The following WWP1 variants were observed in gnomAD, a reference collection of about 807,000 sequenced individuals.
WWP1 encodes the protein NEDD4-like E3 ubiquitin-protein ligase WWP1.
In WWP1, 49 loss-of-function variants were observed where a neutral mutation model predicts 130.6. The ratio of observed to expected loss-of-function variants is 0.38; its 90% confidence interval spans 0.30 to 0.48. The LOEUF is 0.48. Ranked by LOEUF, WWP1 falls within the 20% of genes least tolerant of loss-of-function variation. WWP1 has a pLI of 0.99. For synonymous variants in WWP1, 332 were observed against 367.8 expected, an observed-to-expected ratio of 0.90 and a Z score of 1.11; for missense variants, 809 against 1,100.6, an observed-to-expected ratio of 0.74 and a Z score of 3.75.
intron 22 of WWP1, among the ~76,000 whole-genome samples, chr8:86,460,720 G>T (rs1023922338): frequency 2.7e-5 from 4 of 148,180 alleles, no homozygotes; most frequent in African/African-American, 4.9e-5. Context: ...CTGAAGTGAG[G>T]TTCACAGTAT....
In WWP1 at chr8:86,427,831, T is replaced by C; in HGVS notation, c.1332+14T>C. On this transcript the variant is annotated intron_variant, in intron 11 of 24. Transcript: ENST00000517970. ...TACCTCTATTCGGTAATTAGCAAAT[T>C]GTAAGATGTTAACATAACTTCCTCC... 2 of 1,592,106 alleles carry C rather than the reference T, an allele frequency of 1.3e-6. No individual in the cohort carries two copies. Among genetic ancestry groups the C allele is most frequent in the Non-Finnish European group, 1.7e-6 (2 of 1,167,362 alleles).
At chr8:86,394,635 C>G (rs1001530303) in intron 5 of WWP1, among the ~76,000 whole-genome samples, 1 of 152,100 alleles carries the variant, frequency 6.6e-6, no homozygotes, top group African/African-American at 2.4e-5. Context: ...CCTGGCACAC[C>G]GTAGGCACTC....
chr8:86,376,310 T>C (rs763382713), intron 3 of WWP1, among the ~76,000 whole-genome samples: 38 of 152,208 alleles, frequency 2.5e-4, no homozygotes, highest in Non-Finnish European at 4.9e-4. Context: ...GGCTCATGCC[T>C]GTAATCCCAG....
intron 1 of WWP1, among the ~76,000 whole-genome samples, chr8:86,362,770 C>A (rs374486355): frequency 5.3e-5 from 8 of 152,090 alleles, no homozygotes; most frequent in African/African-American, 1.9e-4. Flanking sequence ...TAGACAAGAT[C>A]GAGTGTAGTG....
At chr8:86,387,550 T>A (rs1405669039) in intron 5 of WWP1, among the ~76,000 whole-genome samples, 1 of 152,128 alleles carries the variant, frequency 6.6e-6, no homozygotes, top group African/African-American at 2.4e-5. Context: ...TCTCACTCTG[T>A]CACCCAGGCT....
At chr8:86,376,949 A>G (rs539478830) in intron 3 of WWP1, among the ~76,000 whole-genome samples, 1 of 152,172 alleles carries the variant, frequency 6.6e-6, no homozygotes, top group East Asian at 1.9e-4. Context: ...TGCAATAAAG[A>G]TTACTACTCC....
intron 2 of WWP1, among the ~76,000 whole-genome samples, chr8:86,369,438 T>A (rs577216418): frequency 6.6e-6 from 1 of 152,144 alleles, no homozygotes; most frequent in Non-Finnish European, 1.5e-5. Flanking sequence ...TGCTCTTGAG[T>A]CTGGGGATTG....
At chr8:86,345,058 C>G (rs1822490946) in intron 1 of WWP1, among the ~76,000 whole-genome samples, 1 of 152,024 alleles carries the variant, frequency 6.6e-6, no homozygotes, top group African/African-American at 2.4e-5. Flanking sequence ...AGAAAGACCT[C>G]CCAGTTGTTG....
At chr8:86,351,574 CT>C (rs1168731150) in intron 1 of WWP1, among the ~76,000 whole-genome samples, 1 of 151,816 alleles carries the variant, frequency 6.6e-6, no homozygotes, top group African/African-American at 2.4e-5. Context: ...GTGATCCCCC[CT>C]ACCTCGACCT....
chr8:86,445,194 G>T (rs1188517097), intron 18 of WWP1, among the ~76,000 whole-genome samples: 1 of 152,098 alleles, frequency 6.6e-6, no homozygotes, highest in Non-Finnish European at 1.5e-5. Flanking sequence ...TTGTTTTTCT[G>T]GTTTAATTTT....
Position 86,466,776 on chromosome 8 carries a change from G to A in WWP1, c.2670-18G>A. On this transcript the variant is annotated intron_variant, in intron 24 of 24. Transcript: ENST00000517970. ...CATTTTATTGAAAACATCTGATTTT[G>A]TTTTTGTTTCTGTTCAGTTTTAATC... is the stretch of plus-strand genomic sequence containing the variant. The A allele has an allele frequency of 1.3e-6, 2 of 1,496,084 alleles. No individual in the cohort carries two copies. The highest frequency in any genetic ancestry group is 1.8e-6 in the Non-Finnish European group (2 of 1,107,158). 92.7% of individuals were successfully genotyped at this position (1,496,084 alleles called of 1,614,324 possible).
chr8:86,420,494 G>T (rs920470369), intron 9 of WWP1, among the ~76,000 whole-genome samples: 1 of 152,178 alleles, frequency 6.6e-6, no homozygotes, highest in African/African-American at 2.4e-5. Flanking sequence ...ATTTGGAATG[G>T]TTGGGAGGAG....
At position 86,342,747 on chromosome 8, in the gene WWP1, C is replaced by A; in HGVS notation, c.-298C>A. 1 of 362,600 alleles carries A rather than the reference C, an allele frequency of 2.8e-6. No individual in the cohort carries two copies. Among genetic ancestry groups the A allele is most frequent in the Non-Finnish European group, 4.9e-6 (1 of 203,074 alleles). 22.5% of individuals were successfully genotyped at this position (362,600 alleles called of 1,614,324 possible). ...GGGAGGGTCGGGTGTCGGCGAGCTC[C>A]GCGTGCGGGTTCCGAGTGGCTGCTG... On this transcript the variant is annotated 5_prime_UTR_variant, in exon 1 of 25. Coordinates refer to ENST00000517970, the MANE Select transcript of WWP1 (RefSeq NM_007013.4).
chr8:86,396,503 T>C (rs1210038142), intron 5 of WWP1, among the ~76,000 whole-genome samples: 1 of 152,114 alleles, frequency 6.6e-6, no homozygotes, highest in Non-Finnish European at 1.5e-5. Context: ...AGAAATGAGG[T>C]CTATGGTGCT....
chr8:86,390,778 C>G (rs1807280586), intron 5 of WWP1, among the ~76,000 whole-genome samples: 1 of 151,990 alleles, frequency 6.6e-6, no homozygotes, highest in Non-Finnish European at 1.5e-5. Context: ...TGGTTTCTGA[C>G]CACTCCCCCA....
At chr8:86,450,590 C>T (rs1811124787) in intron 20 of WWP1, among the ~76,000 whole-genome samples, 2 of 152,192 alleles carry the variant, frequency 1.3e-5, no homozygotes. Context: ...TAAAGTTAAG[C>T]ACTGTTTCAA....
chr8:86,424,703 G>T (rs1444778312), intron 9 of WWP1, among the ~76,000 whole-genome samples: 1 of 151,568 alleles, frequency 6.6e-6, no homozygotes, highest in Admixed American at 6.6e-5. Flanking sequence ...CACTCGGCAG[G>T]CTGAGGCGGG....
intron 8 of WWP1, among the ~76,000 whole-genome samples, chr8:86,403,482 A>C (rs1270312467): frequency 1.3e-5 from 2 of 151,948 alleles, no homozygotes. Flanking sequence ...TTTAGTAGAG[A>C]TAGGGTTTCA....
Position 86,386,747 on chromosome 8 carries a change from C to T in WWP1, c.334+5118C>T, listed in dbSNP as rs1056433159. 9 of 152,178 alleles carry T rather than the reference C, an allele frequency of 5.9e-5. No individual in the cohort carries two copies. In the East Asian group the frequency reaches 7.7e-4, roughly 13 times the overall value. 9.4% of individuals were successfully genotyped at this position (152,178 alleles called of 1,614,324 possible). A position where few individuals can be genotyped will look rare whatever the true frequency, so the allele number is the denominator to read the frequency against. ...TCAGTTACAGGGATTCAATTTTTTC[C>T]GTAGATACTGTCTTACTGCATTTGT... On this transcript the variant is annotated intron_variant, in intron 5 of 24. Coordinates refer to ENST00000517970, the MANE Select transcript of WWP1 (RefSeq NM_007013.4).
Sources: gnomAD v4.1 joint callset for allele counts (sites outside exome capture counted in the v4.1 genomes callset) on GRCh38, gnomAD v4.1.1 for gene constraint, MANE v1.5 for transcripts, NCBI Gene and HGNC (gene_info 2026-07-23, HGNC 2026-07-21) for gene names.